Variants in PTPRT observed in about 807,000 individuals in gnomAD.
PTPRT encodes the protein protein tyrosine phosphatase receptor type T.
PTPRT carries 56 observed loss-of-function variants against 176.8 expected under a neutral mutation model. The ratio of observed to expected loss-of-function variants is 0.32; its 90% CI spans 0.26 to 0.40. The LOEUF (loss-of-function observed/expected upper bound fraction) is 0.40. Among genes scored for constraint, PTPRT ranks in the 10% least tolerant of loss-of-function variants. The pLI, the probability that PTPRT is intolerant of heterozygous loss-of-function variation, is 1.00. For synonymous variants in PTPRT, 783 were observed against 739.0 expected (o/e 1.06, Z -0.96); for missense variants, 1,540 against 1,908.2 (o/e 0.81, Z 3.60).
chr20:42,787,133 T>G (rs1030391853), intron 3 of PTPRT, among the ~76,000 whole-genome samples: 2 of 152,248 alleles, frequency 1.3e-5, no homozygotes, highest in African/African-American at 2.4e-5. Context: ...CTTTCTGCCC[T>G]TAACAGAAAA....
chr20:42,085,835 G>A lies in PTPRT; in HGVS notation c.3865C>T (p.Pro1289Ser), dbSNP rs1335588221. 2 of 1,613,194 alleles carry A rather than the reference G, an allele frequency of 1.2e-6. No homozygotes were observed. The highest frequency in any genetic ancestry group is 1.7e-6 in the Non-Finnish European group (2 of 1,179,066). The change falls in exon 28 of 31, where the codon CCT (proline) becomes TCT (serine). Residue 1289 changes from proline (P) to serine (S), a missense_variant. This residue lies in a region of PTPRT where 342 missense variants were observed against 394.0 expected (regional missense o/e 0.87). Transcript: ENST00000373187. ...CCATAGCACCCGGAGGTCTTCTCAG[G>A]CCAGTACTGCATACAGAACTGAGAT... ...DTAQFCMQYWPEKTSGCYGPI... is the reference protein window; with the variant it reads ...DTAQFCMQYWSEKTSGCYGPI...
rs1201649058 is a variant in PTPRT at position 42,161,450 on chromosome 20, G to A, written c.2584C>T (p.Arg862Trp). 1.9e-6 allele frequency: 3 copies of A among 1,614,158 alleles called. No homozygotes were observed. Among genetic ancestry groups the A allele is most frequent in the Non-Finnish European group, 2.5e-6 (3 of 1,180,024 alleles). The change falls in exon 17 of 31, where the codon CGG becomes TGG. Residue 862 changes from arginine to tryptophan, a missense_variant. Physicochemically the swap from Arg to Trp is moderately radical, Grantham distance 101 (BLOSUM62 -3). This residue lies in a region of PTPRT where 255 missense variants were observed against 250.1 expected (regional missense o/e 1.02). Coordinates refer to ENST00000373187, the MANE Select transcript of PTPRT (RefSeq NM_007050.6). ...TCDPVEMSYPRDQFQPAIRVA... is the reference protein window; with the variant it reads ...TCDPVEMSYPWDQFQPAIRVA... ...CGGATGGCGGGTTGGAACTGGTCCC[G>A]GGGGTAGCTCATCTCCACAGGGTCA...
intron 7 of PTPRT, among the ~76,000 whole-genome samples, chr20:42,476,103 T>C (rs889312668): frequency 6.6e-6 from 1 of 152,216 alleles, no homozygotes; most frequent in Non-Finnish European, 1.5e-5. Context: ...AAAAGGTTGT[T>C]AATGAGCATA....
chr20:42,439,672 G>A (rs549106764), intron 9 of PTPRT, among the ~76,000 whole-genome samples: 9 of 152,236 alleles, frequency 5.9e-5, no homozygotes, highest in Non-Finnish European at 8.8e-5. Context: ...AGAGGAGACC[G>A]ACTGGATTCA....
intron 7 of PTPRT, among the ~76,000 whole-genome samples, chr20:42,524,450 C>T (rs981813652): frequency 1.3e-5 from 2 of 152,248 alleles, no homozygotes; most frequent in African/African-American, 4.8e-5. Context: ...CTTCATTTTG[C>T]GGATTTTTCG....
intron 27 of PTPRT, among the ~76,000 whole-genome samples, chr20:42,098,055 T>C (rs942923657): frequency 6.6e-6 from 1 of 152,198 alleles, no homozygotes; most frequent in African/African-American, 2.4e-5. Context: ...TGGCCGGGCA[T>C]CTGGGTATTT....
rs2206456 is a variant in PTPRT at position 42,998,001 on chromosome 20, C to T, written c.89-112069G>A. Among the ~76,000 whole-genome samples, 5 of 151,976 alleles carry T rather than the reference C, an allele frequency of 3.3e-5. No homozygotes were observed. The South Asian group carries it at 1.0e-3, about 32-fold the overall frequency. On this transcript the variant is annotated intron_variant, in intron 1 of 30. Transcript: ENST00000373187. ...GGCTCCTACACTCAGGTTTGGATTG[C>T]AAGCAGAGACCCCAGAGACTATGGA...
At chr20:42,329,406 G>C (rs1223348696) in intron 11 of PTPRT, among the ~76,000 whole-genome samples, 2 of 151,754 alleles carry the variant, frequency 1.3e-5, no homozygotes, top group Non-Finnish European at 2.9e-5. Context: ...ATTAAAATGG[G>C]TGATACAGAC....
intron 7 of PTPRT, among the ~76,000 whole-genome samples, chr20:42,611,968 T>C (rs144728821): frequency 1.6e-4 from 24 of 152,110 alleles, no homozygotes; most frequent in African/African-American, 5.8e-4. Context: ...GTTCAAAAAA[T>C]CGTAATGAAC....
chr20:43,041,409 G>C (rs1986600067), intron 1 of PTPRT, among the ~76,000 whole-genome samples: 1 of 152,226 alleles, frequency 6.6e-6, no homozygotes, highest in African/African-American at 2.4e-5. Context: ...CAACAGAGCA[G>C]AAAATTATGC....
chr20:42,638,139 C>A lies in PTPRT; in HGVS notation c.1153+39727G>T, dbSNP rs78377300. Among the ~76,000 whole-genome samples the A allele has an allele frequency of 1.9e-3, 291 of 152,270 alleles. 5 individuals carry two copies. The highest frequency in any genetic ancestry group is 0.012 in the East Asian group (61 of 5,180). ...TATTTTTATCAGCACACTACTGATT[C>A]TATCCATAGATAAACACATTCCATT... On this transcript the variant is annotated intron_variant, in intron 7 of 30. Transcript: ENST00000373187.
chr20:43,188,967 C>T (rs535673470), intron 1 of PTPRT, among the ~76,000 whole-genome samples: 1 of 152,248 alleles, frequency 6.6e-6, no homozygotes, highest in African/African-American at 2.4e-5. Flanking sequence ...TTTTCAGGAG[C>T]GGACGCGCTC....
chr20:42,858,923 C>T (rs1479194606), intron 2 of PTPRT, among the ~76,000 whole-genome samples: 1 of 152,080 alleles, frequency 6.6e-6, no homozygotes, highest in Non-Finnish European at 1.5e-5. Flanking sequence ...TCTTTGTCAC[C>T]CCAGCACCTA....
chr20:42,581,004 C>G (rs957076268), intron 7 of PTPRT, among the ~76,000 whole-genome samples: 1 of 152,110 alleles, frequency 6.6e-6, no homozygotes, highest in East Asian at 1.9e-4. Flanking sequence ...GTTCTTGTCT[C>G]CAGGTACATT....
intron 7 of PTPRT, among the ~76,000 whole-genome samples, chr20:42,540,504 C>A (rs2072560542): frequency 6.6e-6 from 1 of 151,916 alleles, no homozygotes; most frequent in Non-Finnish European, 1.5e-5. Flanking sequence ...GAGGAAGATC[C>A]CAGAGGACGG....
At chr20:42,272,723 A>ATGCGTGCACACACACGTGCGCG (rs1335145520) in intron 13 of PTPRT, among the ~76,000 whole-genome samples, 3 of 32,532 alleles carry the variant, frequency 9.2e-5, no homozygotes, top group Non-Finnish European at 2.5e-4. Flanking sequence ...ACGTGCGCGC[A>ATGCGTGCACACACACGTGCGCG]CACACACACA....
chr20:42,222,949 C>G (rs577839745), intron 15 of PTPRT, among the ~76,000 whole-genome samples: 510 of 152,230 alleles, frequency 3.4e-3, no homozygotes, highest in South Asian at 0.014. Flanking sequence ...AGCCCCTAAC[C>G]TGTGGGATCT....
At chr20:42,421,269 C>T (rs1289306660) in intron 9 of PTPRT, among the ~76,000 whole-genome samples, 2 of 93,976 alleles carry the variant, frequency 2.1e-5, no homozygotes, top group Non-Finnish European at 4.3e-5. Context: ...CGCACGCACA[C>T]ACACACACGC....
At chr20:43,015,732 A>C (rs543406873) in intron 1 of PTPRT, among the ~76,000 whole-genome samples, 1 of 152,176 alleles carries the variant, frequency 6.6e-6, no homozygotes, top group African/African-American at 2.4e-5. Context: ...GACTCTGGGC[A>C]AATCACACCA....
Sources: allele counts gnomAD v4.1 joint callset (sites outside exome capture counted in the v4.1 genomes callset), GRCh38; gene constraint gnomAD v4.1.1; regional missense constraint gnomAD v4.1.1; transcripts MANE v1.5; gene names NCBI Gene and HGNC (gene_info 2026-07-23, HGNC 2026-07-21).